CEP162: variants seen among roughly 807,000 people sequenced by gnomAD.
The protein encoded by CEP162 is centrosomal protein 162.
CEP162 carries 141 observed loss-of-function variants against 169.2 expected under a neutral mutation model. That is an observed-to-expected ratio of 0.83 (90% CI 0.73 to 0.96). CEP162 has a LOEUF of 0.96. CEP162 is among the 40% of genes least tolerant of loss of function. The pLI, the probability that CEP162 is intolerant of heterozygous loss-of-function variation, is 0.00. For synonymous variants in CEP162, 540 were observed against 526.4 expected, an observed-to-expected ratio of 1.03 and a Z score of -0.35; for missense variants, 1,600 against 1,587.2, an observed-to-expected ratio of 1.01 and a Z score of -0.14.
chr6:84,146,742 C>T lies in CEP162; in HGVS notation c.3815G>A (p.Ser1272Asn). Residue 1272 changes from serine (S) to asparagine (N), a missense_variant, in exon 25 of 27, where the codon AGT becomes AAT. Ser to Asn is a conservative substitution (Grantham distance 46, BLOSUM62 1). Coordinates refer to ENST00000403245, the MANE Select transcript of CEP162 (RefSeq NM_014895.4). ...AGAAACTACGAGAGACTCTTGTTTA[C>T]TCTGCAGCTCATTAACTTGACTTTG... ...HFQSQVNELQ[S>N]KQESLVVSEV... 1 of 1,583,584 alleles carries T rather than the reference C, an allele frequency of 6.3e-7. No homozygotes were observed. Among genetic ancestry groups the T allele is most frequent in the Non-Finnish European group, 8.6e-7 (1 of 1,163,576 alleles).
At chr6:84,146,550 C>T (rs187402756) in intron 25 of CEP162, 137 bp downstream of exon 25, 4 of 467,184 alleles carry the variant, frequency 8.6e-6, no homozygotes, top group African/African-American at 4.0e-5. Context: ...TACATAAGCA[C>T]GCTGCTAATA....
At chr6:84,190,308 C>T (rs1389482815) in intron 11 of CEP162, among the ~76,000 whole-genome samples, 1 of 152,134 alleles carries the variant, frequency 6.6e-6, no homozygotes, top group African/African-American at 2.4e-5. Context: ...AATCAGCGCC[C>T]TGACAAAACA....
chr6:84,201,074 C>G lies in CEP162; in HGVS notation c.719-169G>C, dbSNP rs113448915. Among the ~76,000 whole-genome samples the G allele has an allele frequency of 2.0e-4, 31 of 152,206 alleles. No homozygotes were observed. The South Asian group carries it at 4.6e-3, about 22-fold the overall frequency. Reference sequence around the variant, plus strand: ...CGGGCAGATCACGAGGTCAGGAGATCGAGACCATCCTGGCTAACACGGTGA... The same window carrying G: ...CGGGCAGATCACGAGGTCAGGAGATGGAGACCATCCTGGCTAACACGGTGA... On this transcript the variant is annotated intron_variant, in intron 8 of 26. Transcript: ENST00000403245.
intron 18 of CEP162, among the ~76,000 whole-genome samples, chr6:84,166,710 T>C (rs1013666591): frequency 2.0e-5 from 3 of 152,176 alleles, no homozygotes; most frequent in Non-Finnish European, 4.4e-5. Flanking sequence ...GGAACTTACC[T>C]TTTATTACAT....
intron 20 of CEP162, among the ~76,000 whole-genome samples, chr6:84,161,442 C>T (rs2099525724): frequency 6.6e-6 from 1 of 152,110 alleles, no homozygotes; most frequent in African/African-American, 2.4e-5. Flanking sequence ...CCAGCATGTT[C>T]AAGAATCAGA....
Position 84,125,028 on chromosome 6 carries a change from T to A in CEP162, c.*42A>T, listed in dbSNP as rs1350836849. On this transcript the variant is annotated 3_prime_UTR_variant, in exon 27 of 27. Transcript: ENST00000403245. ...TGACAGTGGCACAATCCCATCCATC[T>A]TCAGGCCTTTTAATAAGGTCATTAT... 6.9e-7 allele frequency: 1 copy of A among 1,445,794 alleles called. No homozygotes were observed. Among genetic ancestry groups the A allele is most frequent in the Admixed American group, 1.8e-5 (1 of 55,550 alleles). The allele number at this position is 1,445,794 out of a possible 1,614,324, so 89.6% of individuals were successfully genotyped here. A position where few individuals can be genotyped will look rare whatever the true frequency, so the allele number is the denominator to read the frequency against.
At chr6:84,146,839 T>G (rs1588725184) in intron 24 of CEP162, 54 bp from the exon 25 acceptor site, 1 of 917,882 alleles carries the variant, frequency 1.1e-6, no homozygotes, top group East Asian at 2.7e-5. Context: ...GAACACTATC[T>G]GAAAAATATA....
chr6:84,173,979 C>A, intron 16 of CEP162, 69 bp downstream of exon 16: 1 of 1,375,554 alleles, frequency 7.3e-7, no homozygotes, highest in South Asian at 1.3e-5. Flanking sequence ...GCCACTGTGC[C>A]TGGCCTGCCT....
At position 84,128,436 on chromosome 6, in the gene CEP162, C is replaced by T. The variant is rs541586971; in HGVS notation, c.3871-1924G>A. On this transcript the variant is annotated intron_variant, in intron 25 of 26. Transcript: ENST00000403245. ...AAAAAACTGGAAACAACCTGCATGC[C>T]AACAATAGGGGATTTGTGAAATAAA... Among the ~76,000 whole-genome samples the T allele has an allele frequency of 3.3e-5, 5 of 152,006 alleles. No homozygotes were observed. In the South Asian group the frequency reaches 1.0e-3, roughly 32 times the overall value.
chr6:84,145,811 G>C (rs2099518618), intron 25 of CEP162, among the ~76,000 whole-genome samples: 1 of 152,020 alleles, frequency 6.6e-6, no homozygotes, highest in African/African-American at 2.4e-5. Context: ...CTTATAACTA[G>C]ACATACTCAA....
chr6:84,177,593 T>C (rs1340478466), intron 13 of CEP162, among the ~76,000 whole-genome samples: 1 of 152,188 alleles, frequency 6.6e-6, no homozygotes, highest in Non-Finnish European at 1.5e-5. Flanking sequence ...TGGACTGCCA[T>C]GGTGCGATCT....
rs561571720 is a variant in CEP162, at chr6:84,204,133, T to A, written c.572-37A>T. 9 of 1,306,566 alleles carry A rather than the reference T, an allele frequency of 6.9e-6. No homozygotes were observed. The African/African-American group carries it at 1.3e-4, about 19-fold the overall frequency. 80.9% of individuals were successfully genotyped at this position (1,306,566 alleles called of 1,614,324 possible). On this transcript the variant is annotated intron_variant, in intron 6 of 26. Transcript: ENST00000403245. ...AATTTTTAAAAGTACAAAGACCACA[T>A]TGTTAAAAAAGTCAAATTCCAGGAA...
At chr6:84,138,970 A>G (rs1341095537) in intron 25 of CEP162, among the ~76,000 whole-genome samples, 1 of 152,230 alleles carries the variant, frequency 6.6e-6, no homozygotes, top group African/African-American at 2.4e-5. Context: ...TGATCTTTTC[A>G]TAATACAATT....
intron 23 of CEP162, among the ~76,000 whole-genome samples, chr6:84,150,910 G>C (rs2129201148): frequency 6.6e-6 from 1 of 152,218 alleles, no homozygotes; most frequent in African/African-American, 2.4e-5. Context: ...CATTGCTGTG[G>C]GGATGCAAAA....
chr6:84,156,743 G>GACACACACACACACACACACAC (rs71736099), intron 21 of CEP162, among the ~76,000 whole-genome samples: 18 of 125,594 alleles, frequency 1.4e-4, no homozygotes, highest in African/African-American at 6.4e-4. Flanking sequence ...GTATCAAAAA[G>GACACACACACACACACACACAC]ACACACACAC....
Position 84,149,614 on chromosome 6 carries a change from T to C in CEP162, c.3719A>G (p.Glu1240Gly). The C allele has an allele frequency of 6.2e-7, 1 of 1,605,862 alleles. No homozygotes were observed. Among genetic ancestry groups the C allele is most frequent in the Admixed American group, 1.7e-5 (1 of 58,744 alleles). Residue 1240 changes from glutamate to glycine, a missense_variant, in exon 24 of 27, where the codon GAA becomes GGA. Glu to Gly is a moderately conservative substitution (Grantham distance 98, BLOSUM62 -2). Transcript: ENST00000403245. ...IEKLLCQNAV[E>G]NSSSKVAELN... is the part of the protein sequence containing the mutation. ...TTCAGCTACTTTGGAAGAAGAATTT[T>C]CTACTGCATTTTGGCAAAGGAGTTT...
chr6:84,180,661 AT>A (rs2099534410), intron 13 of CEP162, among the ~76,000 whole-genome samples: 1 of 151,154 alleles, frequency 6.6e-6, no homozygotes, highest in African/African-American at 2.4e-5. Flanking sequence ...AGGATACAAA[AT>A]CAATGTGCAA....
At chr6:84,173,847 C>A (rs117775083) in intron 16 of CEP162, among the ~76,000 whole-genome samples, 10,324 of 151,102 alleles carry the variant, frequency 0.068, 419 homozygotes, top group Middle Eastern at 0.17. Context: ...CCATGCCCAG[C>A]CAATTTTTTT....
In CEP162 at chr6:84,190,076, CT is replaced by C. The variant is rs1164662531; in HGVS notation, c.1110-3454del. ...AATCAACACTCTGTATCTAGCTGCT[CT>C]GGTGAGGACGTGGAGAGTCTTTATA... On this transcript the variant is annotated intron_variant, in intron 11 of 26. Coordinates refer to ENST00000403245, the MANE Select transcript of CEP162 (RefSeq NM_014895.4). 3.9e-5 allele frequency among the ~76,000 whole-genome samples: 6 copies of C among 152,190 alleles called. No individual in the cohort carries two copies. In the East Asian group the frequency reaches 9.7e-4, roughly 25 times the overall value.
Sources: allele counts gnomAD v4.1 joint callset (sites outside exome capture counted in the v4.1 genomes callset), GRCh38; gene constraint gnomAD v4.1.1; transcripts MANE v1.5; gene names NCBI Gene and HGNC (gene_info 2026-07-23, HGNC 2026-07-21).